The following CWC27 variants were observed in gnomAD, a reference collection of about 807,000 sequenced individuals.
CWC27 encodes the protein CWC27 spliceosome associated cyclophilin.
CWC27 carries 47 observed loss-of-function variants against 63.6 expected under a neutral mutation model. The observed-to-expected ratio is 0.74, with a 90% CI of 0.58 to 0.94. The LOEUF is 0.94. CWC27 is among the 40% of genes least tolerant of loss of function. The probability of loss-of-function intolerance (pLI) is 0.00; values close to 1 mark genes in which losing one functional copy is unlikely to be tolerated. For synonymous variants in CWC27, 175 were observed against 179.8 expected, an observed-to-expected ratio of 0.97 and a Z score of 0.22; for missense variants, 495 against 554.3, an observed-to-expected ratio of 0.89 and a Z score of 1.07.
At chr5:64,885,665 C>A in intron 11 of CWC27, 119 bp downstream of exon 11, 1 of 679,568 alleles carries the variant, frequency 1.5e-6, no homozygotes, top group Non-Finnish European at 2.5e-6. Context: ...CTCATTTTTT[C>A]TTCCCTCTTT....
chr5:64,896,037 C>G (rs1194388078), intron 11 of CWC27, among the ~76,000 whole-genome samples: 1 of 151,854 alleles, frequency 6.6e-6, no homozygotes, highest in Non-Finnish European at 1.5e-5. Flanking sequence ...GAAGTCTCCC[C>G]AAAACTAAAA....
At chr5:64,845,804 A>T (rs1035471341) in intron 10 of CWC27, among the ~76,000 whole-genome samples, 1 of 152,240 alleles carries the variant, frequency 6.6e-6, no homozygotes, top group African/African-American at 2.4e-5. Flanking sequence ...AAAAAGGGTC[A>T]CAAAGCCTAT....
intron 11 of CWC27, among the ~76,000 whole-genome samples, chr5:64,966,171 A>G (rs528411954): frequency 1.5e-4 from 23 of 152,202 alleles, no homozygotes; most frequent in Admixed American, 6.5e-4. Context: ...TAGAATGTGT[A>G]TAGCTTCATA....
At chr5:64,919,536 T>G (rs1747956915) in intron 11 of CWC27, among the ~76,000 whole-genome samples, 1 of 152,156 alleles carries the variant, frequency 6.6e-6, no homozygotes. Context: ...GTCTCCAGTA[T>G]CTATTGTTCT....
At chr5:64,861,749 G>A (rs1233756064) in intron 10 of CWC27, among the ~76,000 whole-genome samples, 3 of 152,146 alleles carry the variant, frequency 2.0e-5, no homozygotes, top group East Asian at 3.8e-4. Context: ...TCCATTAACA[G>A]CAACATAATA....
At chr5:64,772,624 CAAAAAAAAAAAAAAAAAAAAAA>C (rs58675990) in intron 1 of CWC27, among the ~76,000 whole-genome samples, 1 of 52,144 alleles carries the variant, frequency 1.9e-5, no homozygotes, top group African/African-American at 7.0e-5. Context: ...GACTCTGTCT[CAAAAAAAAAAAAAAAAAAAAAA>C]AAAAAAAAAG....
At chr5:65,007,023 A>AAAAG (rs796746180) in intron 13 of CWC27, among the ~76,000 whole-genome samples, 1 of 145,494 alleles carries the variant, frequency 6.9e-6, no homozygotes. Flanking sequence ...AGAAAGAAAG[A>AAAAG]AAAGAAAGAA....
chr5:64,832,533 A>C (rs1444498261), intron 10 of CWC27, among the ~76,000 whole-genome samples: 1 of 151,796 alleles, frequency 6.6e-6, no homozygotes, highest in Non-Finnish European at 1.5e-5. Context: ...CAATTCATAT[A>C]TTCGCACAAG....
chr5:64,885,737 G>GTT (rs1554074488), intron 11 of CWC27, among the ~76,000 whole-genome samples, 191 bp downstream of exon 11: 1 of 141,538 alleles, frequency 7.1e-6, no homozygotes, highest in Non-Finnish European at 1.5e-5. Flanking sequence ...GTGTGTGTGT[G>GTT]TTTTTAATAC....
rs114035696 is a variant in CWC27, at chr5:64,842,124, C to T, written c.938+37738C>T. 1.1e-3 allele frequency among the ~76,000 whole-genome samples: 160 copies of T among 152,208 alleles called. 1 individual carries two copies. The highest frequency in any genetic ancestry group is 3.5e-3 in the African/African-American group (147 of 41,518). On this transcript the variant is annotated intron_variant, in intron 10 of 13. Coordinates refer to ENST00000381070, the MANE Select transcript of CWC27 (RefSeq NM_005869.4). The stretch of plus-strand genomic sequence containing the variant: ...TTTGTCTATTGCTGCTTTTATGCTA[C>T]GATGACAGATTTGAGTAGTTGTGAT...
intron 11 of CWC27, among the ~76,000 whole-genome samples, chr5:64,924,797 T>C (rs76550876): frequency 0.037 from 5,623 of 152,288 alleles, 374 homozygotes; most frequent in African/African-American, 0.13. Flanking sequence ...AAGATTCCAT[T>C]AGAAGTGAGT....
intron 10 of CWC27, among the ~76,000 whole-genome samples, chr5:64,878,158 A>G (rs1176993133): frequency 1.3e-5 from 2 of 151,898 alleles, no homozygotes; most frequent in East Asian, 3.8e-4. Context: ...TCATGGCCAA[A>G]TAATGCTGTT....
intron 11 of CWC27, among the ~76,000 whole-genome samples, chr5:64,957,753 G>A (rs1748830523): frequency 6.6e-6 from 1 of 152,106 alleles, no homozygotes; most frequent in South Asian, 2.1e-4. Context: ...GAGACTCTGG[G>A]CACACTGCCC....
At chr5:64,895,670 G>A (rs1388893607) in intron 11 of CWC27, among the ~76,000 whole-genome samples, 1 of 152,116 alleles carries the variant, frequency 6.6e-6, no homozygotes, top group African/African-American at 2.4e-5. Context: ...ATTTTATTCA[G>A]ACACTAAATG....
intron 10 of CWC27, among the ~76,000 whole-genome samples, chr5:64,844,123 G>T (rs911814616): frequency 2.0e-5 from 3 of 151,384 alleles, no homozygotes; most frequent in Admixed American, 6.5e-5. Context: ...CACAACACCA[G>T]ATGGAGATTT....
intron 2 of CWC27, among the ~76,000 whole-genome samples, chr5:64,775,112 A>G (rs1743395561): frequency 6.6e-6 from 1 of 152,152 alleles, no homozygotes; most frequent in Non-Finnish European, 1.5e-5. Context: ...CTCTATTGTC[A>G]TCACTCTCTA....
intron 11 of CWC27, among the ~76,000 whole-genome samples, chr5:64,895,091 G>A (rs1474544023): frequency 6.6e-6 from 1 of 152,170 alleles, no homozygotes; most frequent in Non-Finnish European, 1.5e-5. Flanking sequence ...TCAGTTAGGA[G>A]TCTAAATTCA....
At chr5:64,865,942 T>C (rs1215740845) in intron 10 of CWC27, among the ~76,000 whole-genome samples, 2 of 152,072 alleles carry the variant, frequency 1.3e-5, no homozygotes, top group African/African-American at 4.8e-5. Context: ...TGGTGTGCCT[T>C]ACAAGAAAAT....
chr5:64,901,645 A>G (rs1216869703), intron 11 of CWC27, among the ~76,000 whole-genome samples: 1 of 152,088 alleles, frequency 6.6e-6, no homozygotes, highest in East Asian at 1.9e-4. Context: ...GCTGCACTGA[A>G]TGTATTTAAA....
Sources: allele counts gnomAD v4.1 joint callset (sites outside exome capture counted in the v4.1 genomes callset), GRCh38; gene constraint gnomAD v4.1.1; transcripts MANE v1.5; gene names NCBI Gene and HGNC (gene_info 2026-07-23, HGNC 2026-07-21).